Variants in AGK observed in about 807,000 individuals in gnomAD.
The protein encoded by AGK is acylglycerol kinase, mitochondrial.
In AGK, 52 loss-of-function variants were observed where a neutral mutation model predicts 66.4. The ratio of observed to expected loss-of-function variants is 0.78; its 90% CI spans 0.63 to 0.99. The LOEUF is 0.99. Among genes scored for constraint, AGK ranks in the 50% least tolerant of loss-of-function variants. The pLI, the probability that AGK is intolerant of heterozygous loss-of-function variation, is 0.00. For missense variants in AGK, 451 were observed against 506.6 expected (o/e 0.89, Z 1.05); for synonymous variants, 182 against 181.1 (o/e 1.00, Z -0.04).
intron 11 of AGK, among the ~76,000 whole-genome samples, chr7:141,637,729 G>T (rs1442569557): frequency 3.8e-4 from 58 of 152,088 alleles, no homozygotes; most frequent in Admixed American, 3.8e-3. Flanking sequence ...GAGAAGGTTG[G>T]TTCCAATGTT....
At chr7:141,632,253 A>T (rs111246235) in intron 9 of AGK, among the ~76,000 whole-genome samples, 28 of 151,516 alleles carry the variant, frequency 1.8e-4, no homozygotes, top group Non-Finnish European at 3.8e-4. Context: ...AACAAAAAAA[A>T]CCCACAAAAT....
chr7:141,566,713 G>A (rs145330879), intron 2 of AGK, among the ~76,000 whole-genome samples: 1,720 of 152,242 alleles, frequency 0.011, 15 homozygotes, highest in Middle Eastern at 0.044. Context: ...GGCTGAAGCT[G>A]CCATCCTCCT....
At chr7:141,646,691 T>G (rs1325030142) in intron 13 of AGK, among the ~76,000 whole-genome samples, 1 of 152,196 alleles carries the variant, frequency 6.6e-6, no homozygotes, top group Non-Finnish European at 1.5e-5. Flanking sequence ...AAGAAGAGTA[T>G]TTTTCCCCGT....
At chr7:141,613,300 T>C (rs1796635285) in intron 6 of AGK, among the ~76,000 whole-genome samples, 1 of 152,184 alleles carries the variant, frequency 6.6e-6, no homozygotes, top group Non-Finnish European at 1.5e-5. Context: ...GGGAAATATA[T>C]CAAATATAAA....
intron 3 of AGK, chr7:141,593,400 G>C: frequency 1.4e-6 from 1 of 703,548 alleles, no homozygotes; most frequent in South Asian, 1.5e-5. Flanking sequence ...CACCCCTATA[G>C]ACTGTTTGTT....
At chr7:141,552,914 T>C (rs1562955768) in intron 1 of AGK, among the ~76,000 whole-genome samples, 1 of 152,162 alleles carries the variant, frequency 6.6e-6, no homozygotes, top group Non-Finnish European at 1.5e-5. Context: ...GTCTCAGCCA[T>C]GAACCTAATT....
At chr7:141,558,464 C>T (rs1417924247) in intron 2 of AGK, among the ~76,000 whole-genome samples, 1 of 151,950 alleles carries the variant, frequency 6.6e-6, no homozygotes, top group East Asian at 1.9e-4. Context: ...TGCGCCTGGC[C>T]TATATTATCT....
At position 141,621,209 on chromosome 7, in the gene AGK, C is replaced by T. The variant is rs143910522; in HGVS notation, c.519-523C>T. Among the ~76,000 whole-genome samples, 1,329 of 152,138 alleles carry T rather than the reference C, an allele frequency of 8.7e-3. 20 individuals carry two copies. Among genetic ancestry groups the T allele is most frequent in the African/African-American group, 0.03 (1,263 of 41,500 alleles). On this transcript the variant is annotated intron_variant, in intron 8 of 15. Coordinates refer to ENST00000649286, the MANE Select transcript of AGK (RefSeq NM_018238.4). ...ATGGCTCTCAGAATGTAGATAAGAA[C>T]GGTCTGTGTTCAAAAGAATCAGCAA...
At chr7:141,596,246 A>G (rs959810339) in intron 3 of AGK, among the ~76,000 whole-genome samples, 1 of 152,234 alleles carries the variant, frequency 6.6e-6, no homozygotes, top group African/African-American at 2.4e-5. Context: ...CTCTCCTGAC[A>G]GACTATGGCC....
chr7:141,552,708 G>A (rs917628728), intron 1 of AGK, among the ~76,000 whole-genome samples: 3 of 152,180 alleles, frequency 2.0e-5, no homozygotes, highest in Non-Finnish European at 2.9e-5. Flanking sequence ...CTCCCCTGAA[G>A]CAGGCCATAA....
At chr7:141,622,694 T>C (rs1796852385) in intron 9 of AGK, among the ~76,000 whole-genome samples, 1 of 152,136 alleles carries the variant, frequency 6.6e-6, no homozygotes, top group Non-Finnish European at 1.5e-5. Context: ...TTAGACCAAT[T>C]AATAACCCTA....
In AGK at chr7:141,555,339, T is replaced by C; in HGVS notation, c.-14-114T>C. 1.6e-6 allele frequency: 1 copy of C among 629,578 alleles called. No individual in the cohort carries two copies. Among genetic ancestry groups the C allele is most frequent in the Non-Finnish European group, 2.6e-6 (1 of 381,978 alleles). The allele number at this position is 629,578 out of a possible 1,614,324, so 39.0% of individuals were successfully genotyped here. ...AGTGGTAAGGAGGAAGAGGAGTGAG[T>C]GGGAAAAAAAGGAGTGAGAGAGGAT... On this transcript the variant is annotated intron_variant, in intron 1 of 15. Coordinates refer to ENST00000649286, the MANE Select transcript of AGK (RefSeq NM_018238.4). This position sits in a 1 kb window ranked among gnomAD's most constrained non-coding sequence, Gnocchi z 4.2.
At chr7:141,609,983 T>C (rs200037472) in intron 5 of AGK, among the ~76,000 whole-genome samples, 7 of 151,728 alleles carry the variant, frequency 4.6e-5, no homozygotes, top group African/African-American at 1.5e-4. Context: ...TTTTTTTTTT[T>C]CCTGAGACAG....
At chr7:141,646,166 A>G (rs959527672) in intron 13 of AGK, among the ~76,000 whole-genome samples, 1 of 152,128 alleles carries the variant, frequency 6.6e-6, no homozygotes, top group Non-Finnish European at 1.5e-5. Context: ...GATACAAGAG[A>G]GCCCCATGGA....
At chr7:141,594,784 C>A (rs980481504) in intron 3 of AGK, among the ~76,000 whole-genome samples, 2 of 152,152 alleles carry the variant, frequency 1.3e-5, no homozygotes, top group East Asian at 3.9e-4. Context: ...TCCTGAGTAG[C>A]TGGAATTACA....
chr7:141,611,811 G>A (rs1796596345), intron 6 of AGK, among the ~76,000 whole-genome samples: 1 of 152,144 alleles, frequency 6.6e-6, no homozygotes, highest in Non-Finnish European at 1.5e-5. Flanking sequence ...GCACCTATTA[G>A]AATGGCCAAA....
intron 1 of AGK, among the ~76,000 whole-genome samples, chr7:141,553,031 G>C (rs955568363): frequency 6.6e-6 from 1 of 152,088 alleles, no homozygotes; most frequent in Admixed American, 6.6e-5. Context: ...GCAAAAACTG[G>C]GTGGCTTAAA....
rs1301537652 is a variant in AGK, at chr7:141,604,403, T to TATATATATAC, written c.297+3124_297+3125insTATATATACA. ...ATATATATATATATATATATATATA[T>TATATATATAC]ACACATACATACACACACACACATA... On this transcript the variant is annotated intron_variant, in intron 5 of 15. Transcript: ENST00000649286. Among the ~76,000 whole-genome samples the TATATATATAC allele has an allele frequency of 1.5e-3, 217 of 141,486 alleles. 1 individual carries two copies. The highest frequency in any genetic ancestry group is 3.8e-3 in the African/African-American group (147 of 38,268). 92.8% of individuals were successfully genotyped at this position (141,486 alleles called of 152,430 possible).
intron 8 of AGK, among the ~76,000 whole-genome samples, chr7:141,621,210 G>C (rs780433511): frequency 2.6e-5 from 4 of 152,002 alleles, no homozygotes; most frequent in Non-Finnish European, 4.4e-5. Context: ...AGATAAGAAC[G>C]GTCTGTGTTC....
Sources: gnomAD v4.1 joint callset for allele counts (sites outside exome capture counted in the v4.1 genomes callset) on GRCh38, gnomAD v4.1.1 for gene constraint, Gnocchi (gnomAD v3.1) non-coding constraint, MANE v1.5 for transcripts, NCBI Gene and HGNC (gene_info 2026-07-23, HGNC 2026-07-21) for gene names.